The following QTMAN variants were observed in gnomAD, a reference collection of about 807,000 sequenced individuals.
QTMAN encodes tRNA-queuosine alpha-mannosyltransferase.
chr2:144,181,806 A>G, the QTMAN span, among the ~76,000 whole-genome samples: 55 of 152,238 alleles, frequency 3.6e-4, no homozygotes, highest in Non-Finnish European at 6.2e-4. Context: ...GTGACACCCT[A>G]TCTCAAAAAT....
the QTMAN span, chr2:144,211,113 T>C: frequency 1.3e-5 from 2 of 152,180 alleles, no homozygotes; most frequent in Non-Finnish European, 2.9e-5. Context: ...TATCATGATG[T>C]TTCTTATGGG....
the QTMAN span, among the ~76,000 whole-genome samples, chr2:143,980,236 C>T: frequency 6.6e-6 from 1 of 151,982 alleles, no homozygotes; most frequent in Non-Finnish European, 1.5e-5. Context: ...CCCCCGTGTC[C>T]ATGTGTTCTC....
chr2:144,010,410 A>G, the QTMAN span, among the ~76,000 whole-genome samples: 1 of 152,270 alleles, frequency 6.6e-6, no homozygotes, highest in African/African-American at 2.4e-5. Context: ...CAGAATATAA[A>G]TAGGGGCAGC....
the QTMAN span, among the ~76,000 whole-genome samples, chr2:143,959,274 C>T: frequency 6.6e-6 from 1 of 151,954 alleles, no homozygotes; most frequent in Admixed American, 6.6e-5. Flanking sequence ...TCATTCTCAA[C>T]ACCATCAGTC....
At chr2:144,021,687 C>A in the QTMAN span, among the ~76,000 whole-genome samples, 2 of 152,160 alleles carry the variant, frequency 1.3e-5, no homozygotes, top group East Asian at 3.9e-4. Context: ...AGCAAATAAA[C>A]CCAATGTAAT....
At chr2:143,952,797 A>T in the QTMAN span, 1 of 1,609,032 alleles carries the variant, frequency 6.2e-7, no homozygotes, top group Non-Finnish European at 8.5e-7. Context: ...GGATAAACCA[A>T]ATCTTTAGGA....
chr2:144,115,281 G>A, the QTMAN span, among the ~76,000 whole-genome samples: 5 of 152,066 alleles, frequency 3.3e-5, no homozygotes, highest in African/African-American at 4.8e-5. Context: ...AAATCTCTAC[G>A]GTGGTTGTCT....
chr2:144,299,880 G>C, the QTMAN span, among the ~76,000 whole-genome samples: 6 of 152,284 alleles, frequency 3.9e-5, no homozygotes, highest in Admixed American at 2.6e-4. Context: ...ATCAGTGGAC[G>C]AATGGAGAAA....
chr2:144,190,857 C>T, the QTMAN span, among the ~76,000 whole-genome samples: 3 of 152,148 alleles, frequency 2.0e-5, no homozygotes, highest in Non-Finnish European at 4.4e-5. Context: ...ATACACTGTT[C>T]CTACAAAGCA....
chr2:144,059,204 T>A, the QTMAN span, among the ~76,000 whole-genome samples: 1 of 152,210 alleles, frequency 6.6e-6, no homozygotes. Context: ...ATAGTTTTTG[T>A]GCCTCTAGTT....
the QTMAN span, among the ~76,000 whole-genome samples, chr2:144,063,582 A>G: frequency 6.6e-6 from 1 of 152,212 alleles, no homozygotes; most frequent in South Asian, 2.1e-4. Context: ...TTGTTTCTGA[A>G]TATTAAAAAT....
chr2:144,258,486 C>T, the QTMAN span, among the ~76,000 whole-genome samples: 6 of 152,050 alleles, frequency 3.9e-5, no homozygotes, highest in Non-Finnish European at 7.4e-5. Flanking sequence ...TCTATATTAC[C>T]ATCAGTCACC....
chr2:144,259,897 C>T, the QTMAN span, among the ~76,000 whole-genome samples: 1 of 152,040 alleles, frequency 6.6e-6, no homozygotes, highest in Non-Finnish European at 1.5e-5. Flanking sequence ...GCACTGAATG[C>T]TTTTAAATAT....
At chr2:144,278,050 A>G in the QTMAN span, among the ~76,000 whole-genome samples, 4 of 152,188 alleles carry the variant, frequency 2.6e-5, no homozygotes, top group Admixed American at 2.6e-4. Context: ...CAGGCGAGGT[A>G]ATGATTCTTC....
At chr2:144,086,656 G>A in the QTMAN span, among the ~76,000 whole-genome samples, 1 of 152,070 alleles carries the variant, frequency 6.6e-6, no homozygotes, top group Admixed American at 6.6e-5. Context: ...AAACTACTAC[G>A]AGGCTCATTT....
At chr2:144,097,558 T>A in the QTMAN span, among the ~76,000 whole-genome samples, 1 of 152,132 alleles carries the variant, frequency 6.6e-6, no homozygotes, top group Non-Finnish European at 1.5e-5. Context: ...CTCCCATCAC[T>A]GAGGGCTGGA....
chr2:144,209,423 G>A, the QTMAN span, among the ~76,000 whole-genome samples: 1 of 152,198 alleles, frequency 6.6e-6, no homozygotes, highest in Non-Finnish European at 1.5e-5. Context: ...AATTTCTTGA[G>A]ACACTACACA....
At chr2:143,980,439 ATGT>A in the QTMAN span, among the ~76,000 whole-genome samples, 1 of 152,190 alleles carries the variant, frequency 6.6e-6, no homozygotes, top group Non-Finnish European at 1.5e-5. Context: ...GGCAGAGGTC[ATGT>A]TGTTGTTTAA....
At chr2:144,138,342 A>G in the QTMAN span, among the ~76,000 whole-genome samples, 1 of 152,086 alleles carries the variant, frequency 6.6e-6, no homozygotes, top group Admixed American at 6.6e-5. Flanking sequence ...AGGAACAAGT[A>G]TAAACAACTC....
Sources: allele counts gnomAD v4.1 joint callset (sites outside exome capture counted in the v4.1 genomes callset), GRCh38; gene constraint gnomAD v4.1.1; transcripts MANE v1.5; gene names NCBI Gene and HGNC (gene_info 2026-07-23, HGNC 2026-07-21).